The following MAP3K9 variants were observed in gnomAD, a reference collection of about 807,000 sequenced individuals.
MAP3K9 encodes mitogen-activated protein kinase kinase kinase 9, also known as mixed lineage kinase 1 (tyr and ser/thr specificity).
A neutral mutation model predicts 95.8 loss-of-function variants in MAP3K9; 46 were observed. That is an observed-to-expected ratio of 0.48 (90% confidence interval 0.38 to 0.61). The LOEUF is 0.61. MAP3K9 is among the 20% of genes least tolerant of loss of function. MAP3K9 has a pLI of 0.00. For synonymous variants in MAP3K9, 533 were observed against 593.8 expected, an observed-to-expected ratio of 0.90 and a Z score of 1.49; for missense variants, 1,296 against 1,474.3, an observed-to-expected ratio of 0.88 and a Z score of 1.98.
rs768610919 is a variant in MAP3K9 at position 70,800,656 on chromosome 14, T to G, written c.820+11A>C. On this transcript the variant is annotated intron_variant, in intron 2 of 11. Transcript: ENST00000554752. ...CTCTGAGCCCCTCCAGCCCCATCTCTTCATACTCACTGTTGCTGGACTTAA... is the reference window on the plus strand; with the variant it reads ...CTCTGAGCCCCTCCAGCCCCATCTCGTCATACTCACTGTTGCTGGACTTAA... 1 of 1,610,142 alleles carries G rather than the reference T, an allele frequency of 6.2e-7. No individual in the cohort carries two copies. The highest frequency in any genetic ancestry group is 1.1e-5 in the South Asian group (1 of 90,278).
At position 70,761,623 on chromosome 14, in the gene MAP3K9, G is replaced by T. The variant is rs563868555; in HGVS notation, c.821-441C>A. On this transcript the variant is annotated intron_variant, in intron 2 of 11. Transcript: ENST00000554752. ...ACTAAAAATACAAAAAATTAGCTAG[G>T]TGTGGTAGTGCACGCCAGTGACTCT... Among the ~76,000 whole-genome samples, 107 of 152,262 alleles carry T rather than the reference G, an allele frequency of 7.0e-4. No individual in the cohort carries two copies. The Middle Eastern group carries it at 0.01, about 15-fold the overall frequency.
chr14:70,771,170 C>T (rs1230200605), intron 2 of MAP3K9, among the ~76,000 whole-genome samples: 1 of 152,162 alleles, frequency 6.6e-6, no homozygotes, highest in Non-Finnish European at 1.5e-5. Flanking sequence ...TCTCTTCTCC[C>T]ATGCACCTTG....
At chr14:70,773,566 T>C (rs966403766) in intron 2 of MAP3K9, among the ~76,000 whole-genome samples, 2 of 152,216 alleles carry the variant, frequency 1.3e-5, no homozygotes, top group African/African-American at 4.8e-5. Flanking sequence ...AGCCTCCTTG[T>C]TCTGAGATGT....
At chr14:70,738,182 C>A in intron 8 of MAP3K9, 63 bp downstream of exon 8, 1 of 1,469,166 alleles carries the variant, frequency 6.8e-7, no homozygotes, top group Non-Finnish European at 9.1e-7. Flanking sequence ...TATTTCATAT[C>A]CTATGTTTAA....
rs1363560858 is a variant in MAP3K9, at chr14:70,783,377, T to A, written c.820+17290A>T. 7.1e-6 allele frequency: 7 copies of A among 985,264 alleles called. No individual in the cohort carries two copies. In the Admixed American group the frequency reaches 3.7e-4, roughly 52 times the overall value. The allele number at this position is 985,264 out of a possible 1,614,324, so 61.0% of individuals were successfully genotyped here. A position where few individuals can be genotyped will look rare whatever the true frequency, so the allele number is the denominator to read the frequency against. On this transcript the variant is annotated intron_variant, in intron 2 of 11. Transcript: ENST00000554752. ...CAGCAACGCTTCCTCAAATACCCCT[T>A]TTTAATTCCATCCACTGTCCTTATA...
Position 70,724,945 on chromosome 14 carries a change from T to C in MAP3K9, c.*5435A>G, listed in dbSNP as rs1375000260. On this transcript the variant is annotated 3_prime_UTR_variant, in exon 12 of 12. Coordinates refer to ENST00000554752, the MANE Select transcript of MAP3K9 (RefSeq NM_001284230.2). ...TTAGACACCTATCTCGATAGACACC[T>C]GTCATGTCCACATCTGCCAATCAGC... 6.6e-6 allele frequency: 1 copy of C among 152,256 alleles called. No individual in the cohort carries two copies. Among genetic ancestry groups the C allele is most frequent in the East Asian group, 1.9e-4 (1 of 5,188 alleles). 9.4% of individuals were successfully genotyped at this position (152,256 alleles called of 1,614,324 possible).
chr14:70,763,091 G>C (rs2054397085), intron 2 of MAP3K9, among the ~76,000 whole-genome samples: 1 of 152,254 alleles, frequency 6.6e-6, no homozygotes. Context: ...TACCACTGCA[G>C]TAAGCCCACT....
In MAP3K9 at chr14:70,733,142, C is replaced by T. The variant is rs1172015239; in HGVS notation, c.2227G>A (p.Gly743Ser). The T allele has an allele frequency of 6.8e-6, 11 of 1,613,298 alleles. No individual in the cohort carries two copies. The highest frequency in any genetic ancestry group is 2.2e-5 in the East Asian group (1 of 44,858). The change falls in exon 11 of 12, where the codon GGT becomes AGT. Residue 743 changes from glycine (G) to serine (S), a missense_variant. Gly to Ser is a moderately conservative substitution (Grantham distance 56). Around this residue, in one of 5 missense-constraint regions of MAP3K9, gnomAD observed 377 missense variants for 417.1 expected, o/e 0.90. Coordinates refer to ENST00000554752, the MANE Select transcript of MAP3K9 (RefSeq NM_001284230.2). ...ACCTCGCAGCGGCGGTGGTGGGCAC[C>T]GCCCCGCTTGAGGCTGTTGGTTGGC... ...LTPTNSLKRG[G>S]AHHRRCEVAL...
At chr14:70,745,849 A>C (rs963134432) in intron 5 of MAP3K9, among the ~76,000 whole-genome samples, 1 of 152,192 alleles carries the variant, frequency 6.6e-6, no homozygotes, top group African/African-American at 2.4e-5. Flanking sequence ...TGAGTCAATA[A>C]ATGAATGAAG....
chr14:70,795,306 T>G (rs2054852431), intron 2 of MAP3K9, among the ~76,000 whole-genome samples: 1 of 150,886 alleles, frequency 6.6e-6, no homozygotes, highest in Admixed American at 6.6e-5. Flanking sequence ...TCTCTTTTTC[T>G]TTTATTTATT....
chr14:70,799,218 G>A (rs899080009), intron 2 of MAP3K9, among the ~76,000 whole-genome samples: 4 of 151,886 alleles, frequency 2.6e-5, no homozygotes, highest in African/African-American at 9.7e-5. Context: ...GCCCAGGCTG[G>A]TCTCAAACTC....
chr14:70,735,827 AAAAC>A, intron 9 of MAP3K9, 130 bp downstream of exon 9: 1 of 731,334 alleles, frequency 1.4e-6, no homozygotes, highest in Non-Finnish European at 2.4e-6. Flanking sequence ...GCTTAAAACA[AAAAC>A]AAAAACAAAA....
rs1187985249 is a variant in MAP3K9 at position 70,803,340 on chromosome 14, A to T, written c.407-2260T>A. Among the ~76,000 whole-genome samples, 4 of 45,776 alleles carry T rather than the reference A, an allele frequency of 8.7e-5. No individual in the cohort carries two copies. The East Asian group carries it at 1.6e-3, about 19-fold the overall frequency. The allele number at this position is 45,776 out of a possible 152,430, so 30.0% of individuals were successfully genotyped here. ...GAAATAAACCAAATTCAGATCTTAA[A>T]AAAAAAAAAAAAAAAAAAAAAACTG... is the stretch of plus-strand genomic sequence containing the variant. On this transcript the variant is annotated intron_variant, in intron 1 of 11. Transcript: ENST00000554752.
chr14:70,759,690 C>G (rs1668556207), intron 3 of MAP3K9, among the ~76,000 whole-genome samples: 1 of 152,128 alleles, frequency 6.6e-6, no homozygotes, highest in African/African-American at 2.4e-5. Flanking sequence ...TACAGCAGCC[C>G]TAGGAAACTA....
chr14:70,734,473 T>C lies in MAP3K9; in HGVS notation c.1939A>G (p.Lys647Glu), dbSNP rs760579283. 3 of 1,612,220 alleles carry C rather than the reference T, an allele frequency of 1.9e-6. No individual in the cohort carries two copies. Among genetic ancestry groups the C allele is most frequent in the South Asian group, 2.2e-5 (2 of 90,916 alleles). Residue 647 changes from lysine (K) to glutamate (E), a missense_variant, in exon 10 of 12, where the codon AAG (lysine) becomes GAG (glutamate). By Grantham distance (56) the Lys-to-Glu change is moderately conservative. Transcript: ENST00000554752. The stretch of plus-strand genomic sequence containing the variant: ...TTGGGGGCACTGGACGACCACTGCT[T>C]ATATCCATCTACCAGGGACTTGAGG... ...LGLKSLVDGYKQWSSSAPNLV... is the reference protein window; with the variant it reads ...LGLKSLVDGYEQWSSSAPNLV...
intron 3 of MAP3K9, among the ~76,000 whole-genome samples, chr14:70,755,409 T>C (rs150049097): frequency 2.4e-4 from 37 of 152,378 alleles, no homozygotes; most frequent in African/African-American, 8.9e-4. Flanking sequence ...TATCTAGTTC[T>C]AATCATAGCT....
At chr14:70,749,375 C>T (rs2139752795) in intron 4 of MAP3K9, among the ~76,000 whole-genome samples, 1 of 152,268 alleles carries the variant, frequency 6.6e-6, no homozygotes, top group Non-Finnish European at 1.5e-5. Context: ...CTTCAGTTTC[C>T]CATAAATAAA....
intron 3 of MAP3K9, among the ~76,000 whole-genome samples, chr14:70,758,035 A>C (rs2054320284): frequency 6.6e-6 from 1 of 152,184 alleles, no homozygotes; most frequent in African/African-American, 2.4e-5. Flanking sequence ...CAATCCACAG[A>C]TGATAAAATA....
At chr14:70,733,366 G>T in intron 10 of MAP3K9, 24 bp from the exon 11 acceptor site, 1 of 1,044,024 alleles carries the variant, frequency 9.6e-7, no homozygotes, top group Non-Finnish European at 1.4e-6. Context: ...AAGAGTGGAA[G>T]AGAAACAGGA....
Sources: gnomAD v4.1 joint callset for allele counts (sites outside exome capture counted in the v4.1 genomes callset) on GRCh38, gnomAD v4.1.1 for gene constraint, gnomAD v4.1.1 regional missense constraint, MANE v1.5 for transcripts, NCBI Gene and HGNC (gene_info 2026-07-23, HGNC 2026-07-21) for gene names.